BANK1: variants seen among roughly 807,000 people sequenced by gnomAD.
BANK1 encodes the protein B cell scaffold protein with ankyrin repeats 1.
In BANK1, 95 loss-of-function variants were observed where a neutral mutation model predicts 94.5. That is an observed-to-expected ratio of 1.00 (90% CI 0.85 to 1.19). The LOEUF (loss-of-function observed/expected upper bound fraction) is 1.19. Ranked by LOEUF, BANK1 falls within the 50% of genes most tolerant of loss-of-function variation. The probability of loss-of-function intolerance (pLI) is 0.00; values close to 1 mark genes in which losing one functional copy is unlikely to be tolerated. For missense variants in BANK1, 987 were observed against 932.2 expected, an observed-to-expected ratio of 1.06 and a Z score of -0.77; for synonymous variants, 334 against 308.4, an observed-to-expected ratio of 1.08 and a Z score of -0.87.
intron 7 of BANK1, among the ~76,000 whole-genome samples, chr4:101,993,458 A>G (rs1244612919): frequency 2.6e-5 from 4 of 152,170 alleles, no homozygotes; most frequent in African/African-American, 7.2e-5. Context: ...AGTACAGCTT[A>G]GGGAGTAAAT....
At chr4:102,035,215 A>G (rs1219312402) in intron 10 of BANK1, among the ~76,000 whole-genome samples, 1 of 152,228 alleles carries the variant, frequency 6.6e-6, no homozygotes, top group East Asian at 1.9e-4. Flanking sequence ...GGAAGAGCCC[A>G]CACAGAACTG....
chr4:101,894,031 T>G (rs1375115080), intron 5 of BANK1, among the ~76,000 whole-genome samples: 1 of 152,080 alleles, frequency 6.6e-6, no homozygotes, highest in Non-Finnish European at 1.5e-5. Context: ...GTGTGTATGG[T>G]CATCTCAATT....
chr4:101,795,470 A>G (rs1339853133), intron 1 of BANK1, among the ~76,000 whole-genome samples: 1 of 152,166 alleles, frequency 6.6e-6, no homozygotes, highest in African/African-American at 2.4e-5. Context: ...GCATGATTCT[A>G]TAAAATCATT....
intron 2 of BANK1, among the ~76,000 whole-genome samples, chr4:101,844,249 G>A (rs1054124319): frequency 2.6e-5 from 4 of 152,182 alleles, no homozygotes; most frequent in East Asian, 1.9e-4. Context: ...TTGCCAAGTG[G>A]GAGATAGGAA....
rs763534941 is a variant in BANK1, at chr4:101,829,819, G to T, written c.82G>T (p.Asp28Tyr). Residue 28 changes from aspartate (D) to tyrosine (Y), a missense_variant, in exon 2 of 17, where the codon GAT becomes TAT. Transcript: ENST00000322953. ...CGPAPPGNTK[D>Y]IIMIYEEDAE... Reference sequence around the variant, plus strand: ...TTTTCTTTTTCCAGGAAATACAAAAGATATAATAATGATATATGAAGAAGA... The same window carrying T: ...TTTTCTTTTTCCAGGAAATACAAAATATATAATAATGATATATGAAGAAGA... The T allele has an allele frequency of 9.1e-6, 14 of 1,530,780 alleles. No homozygotes were observed. The South Asian group carries it at 1.4e-4, about 15-fold the overall frequency. 94.8% of individuals were successfully genotyped at this position (1,530,780 alleles called of 1,614,324 possible).
chr4:102,031,725 C>T (rs1276913450), intron 10 of BANK1, among the ~76,000 whole-genome samples: 1 of 152,082 alleles, frequency 6.6e-6, no homozygotes, highest in Non-Finnish European at 1.5e-5. Context: ...ATATGCAACA[C>T]AAGAACATTT....
chr4:101,998,154 A>G (rs868263225), intron 7 of BANK1, among the ~76,000 whole-genome samples: 6 of 152,132 alleles, frequency 3.9e-5, no homozygotes, highest in Middle Eastern at 3.4e-3. Flanking sequence ...TTATTTATTT[A>G]TGCCTTAATT....
chr4:102,033,089 A>G (rs894443773), intron 10 of BANK1, among the ~76,000 whole-genome samples: 3 of 152,186 alleles, frequency 2.0e-5, no homozygotes, highest in African/African-American at 7.2e-5. Flanking sequence ...TGTAGTCTGC[A>G]CTTACATATC....
intron 8 of BANK1, among the ~76,000 whole-genome samples, chr4:102,022,893 T>C (rs1025260083): frequency 1.3e-5 from 2 of 152,222 alleles, no homozygotes; most frequent in African/African-American, 2.4e-5. Context: ...TTGCACTTTC[T>C]ATTCCTTCTG....
chr4:101,935,302 A>T (rs992096053), intron 7 of BANK1, among the ~76,000 whole-genome samples: 1 of 151,606 alleles, frequency 6.6e-6, no homozygotes, highest in African/African-American at 2.4e-5. Context: ...GTCAATCAGG[A>T]AAACAGCTGT....
At chr4:102,071,705 G>C (rs1256016152) in intron 14 of BANK1, among the ~76,000 whole-genome samples, 1 of 152,144 alleles carries the variant, frequency 6.6e-6, no homozygotes, top group Admixed American at 6.5e-5. Flanking sequence ...CTTGATACTT[G>C]GGAGTTACTG....
intron 2 of BANK1, among the ~76,000 whole-genome samples, chr4:101,839,856 G>T (rs965756732): frequency 7.3e-6 from 1 of 137,912 alleles, no homozygotes; most frequent in Admixed American, 7.6e-5. Context: ...TAGCTTTTTA[G>T]AAACTAAGAC....
At chr4:101,892,874 G>A (rs1271971122) in intron 5 of BANK1, among the ~76,000 whole-genome samples, 4 of 151,900 alleles carry the variant, frequency 2.6e-5, no homozygotes, top group African/African-American at 4.8e-5. Context: ...TTTAAAAGGA[G>A]CATAACTACT....
At chr4:101,811,826 A>G (rs1725738904) in intron 1 of BANK1, among the ~76,000 whole-genome samples, 1 of 152,090 alleles carries the variant, frequency 6.6e-6, no homozygotes, top group African/African-American at 2.4e-5. Context: ...TTCCTTCACC[A>G]CAGGTCTTAA....
chr4:101,931,895 A>T (rs990420618), intron 7 of BANK1, among the ~76,000 whole-genome samples: 5 of 151,494 alleles, frequency 3.3e-5, no homozygotes, highest in Admixed American at 2.6e-4. Flanking sequence ...GAGCAGAAAC[A>T]TGGGCCATGG....
intron 2 of BANK1, among the ~76,000 whole-genome samples, chr4:101,831,611 A>G (rs1031618408): frequency 1.3e-5 from 2 of 152,128 alleles, no homozygotes; most frequent in African/African-American, 4.8e-5. Flanking sequence ...AGTAGCTGAT[A>G]TTACAGACAC....
At chr4:102,036,027 G>A (rs993681786) in intron 10 of BANK1, among the ~76,000 whole-genome samples, 2 of 152,170 alleles carry the variant, frequency 1.3e-5, no homozygotes, top group South Asian at 2.1e-4. Flanking sequence ...AGAGATGAAT[G>A]CCTATTGGGT....
chr4:102,067,317 AT>A (rs1156865287), intron 13 of BANK1, among the ~76,000 whole-genome samples: 1 of 152,134 alleles, frequency 6.6e-6, no homozygotes, highest in African/African-American at 2.4e-5. Context: ...TCATAATTAT[AT>A]TAAAGGTGAC....
At chr4:101,826,150 A>G (rs1726357096) in intron 1 of BANK1, among the ~76,000 whole-genome samples, 2 of 152,068 alleles carry the variant, frequency 1.3e-5, no homozygotes, top group Non-Finnish European at 2.9e-5. Flanking sequence ...TCTCCTTGGT[A>G]GGAACCCAGA....
Sources: allele counts gnomAD v4.1 joint callset (sites outside exome capture counted in the v4.1 genomes callset), GRCh38; gene constraint gnomAD v4.1.1; transcripts MANE v1.5; gene names NCBI Gene and HGNC (gene_info 2026-07-23, HGNC 2026-07-21).